The following FAM193A variants were observed in gnomAD, a reference collection of about 807,000 sequenced individuals.
The protein encoded by FAM193A is family with sequence similarity 193 member A.
A neutral mutation model predicts 126.5 loss-of-function variants in FAM193A; 22 were observed. The ratio of observed to expected loss-of-function variants is 0.17; its 90% CI spans 0.12 to 0.25. The LOEUF is 0.25. Ranked by LOEUF, FAM193A falls within the 10% of genes least tolerant of loss-of-function variation. The pLI is 1.00. For synonymous variants in FAM193A, 761 were observed against 646.8 expected (o/e 1.18, Z -2.68); for missense variants, 1,675 against 1,672.8 (o/e 1.00, Z -0.02).
At chr4:2,581,141 C>CAAA (rs569323669) in intron 1 of FAM193A, among the ~76,000 whole-genome samples, 2 of 145,420 alleles carry the variant, frequency 1.4e-5, no homozygotes, top group African/African-American at 2.5e-5. Flanking sequence ...AAAACAACAA[C>CAAA]AAAAAAAAAA....
intron 12 of FAM193A, among the ~76,000 whole-genome samples, chr4:2,671,697 C>CG (rs1713806787): frequency 6.6e-6 from 1 of 152,190 alleles, no homozygotes; most frequent in South Asian, 2.1e-4. Context: ...TTCACTCCAC[C>CG]GTAACCGGAA....
intron 15 of FAM193A, among the ~76,000 whole-genome samples, chr4:2,692,245 A>G (rs1716476772): frequency 6.6e-6 from 1 of 152,196 alleles, no homozygotes; most frequent in South Asian, 2.1e-4. Context: ...CGGGGGAGAG[A>G]ACGAGTACAC....
intron 19 of FAM193A, among the ~76,000 whole-genome samples, chr4:2,706,532 G>A (rs1006518017): frequency 6.6e-6 from 1 of 151,908 alleles, no homozygotes; most frequent in African/African-American, 2.4e-5. Flanking sequence ...CCAATCTCAG[G>A]TGATCTGCCC....
rs1560570899 is a variant in FAM193A at position 2,689,576 on chromosome 4, A to G, written c.2402A>G (p.His801Arg). The change falls in exon 14 of 21, where the codon CAT becomes CGT. Residue 801 changes from histidine to arginine, a missense_variant. Around this residue, in one of 4 missense-constraint regions of FAM193A, gnomAD observed 1,186 missense variants for 1,109.2 expected, o/e 1.07. Coordinates refer to ENST00000637812, the MANE Select transcript of FAM193A (RefSeq NM_001366318.2). ...HQVFNASLQD[H>R]IYPSCFGNTP... ...GTATTCAATGCATCTCTTCAAGACC[A>G]TATTTATCCGAGCTGTTTTGGGAAT... 3.9e-6 allele frequency: 6 copies of G among 1,551,638 alleles called. No individual in the cohort carries two copies. Among genetic ancestry groups the G allele is most frequent in the Non-Finnish European group, 5.2e-6 (6 of 1,157,686 alleles).
At chr4:2,568,280 C>T (rs912745145) in intron 1 of FAM193A, among the ~76,000 whole-genome samples, 4 of 151,974 alleles carry the variant, frequency 2.6e-5, no homozygotes, top group Middle Eastern at 3.2e-3. Context: ...AGGCCTAGTA[C>T]GTTGTTCATA....
At chr4:2,678,864 A>G (rs1273507929) in intron 13 of FAM193A, among the ~76,000 whole-genome samples, 1 of 152,140 alleles carries the variant, frequency 6.6e-6, no homozygotes, top group Non-Finnish European at 1.5e-5. Flanking sequence ...CATATCATCT[A>G]CAAACAGAGA....
At position 2,693,860 on chromosome 4, in the gene FAM193A, T is replaced by G; in HGVS notation, c.3078T>G (p.Pro1026=). ...PPATDGSISA[P]PSVCSDPDCE... is the part of the protein sequence containing the mutation. The stretch of plus-strand genomic sequence containing the variant: ...CCACAGATGGCTCCATTAGCGCCCC[T>G]CCAAGTGTCTGCAGGTGAGCCAAGT... Residue 1026 remains proline (P), a synonymous_variant, in exon 16 of 21, where the codon CCT becomes CCG. Transcript: ENST00000637812. 1 of 1,613,390 alleles carries G rather than the reference T, an allele frequency of 6.2e-7. No homozygotes were observed. The highest frequency in any genetic ancestry group is 8.5e-7 in the Non-Finnish European group (1 of 1,179,466).
intron 1 of FAM193A, among the ~76,000 whole-genome samples, chr4:2,540,256 T>C (rs1311235725): frequency 6.6e-6 from 1 of 151,330 alleles, no homozygotes; most frequent in East Asian, 2.0e-4. Context: ...GATCACGAGG[T>C]CAGGAGATCG....
Position 2,683,540 on chromosome 4 carries a change from GCCTTGGCCTC to G in FAM193A, c.2332-5963_2332-5954del, listed in dbSNP as rs1305242143. Among the ~76,000 whole-genome samples the G allele has an allele frequency of 2.6e-5, 4 of 152,328 alleles. No individual in the cohort carries two copies. The East Asian group carries it at 7.7e-4, about 29-fold the overall frequency. On this transcript the variant is annotated intron_variant, in intron 13 of 20. Transcript: ENST00000637812. ...AACCCCTGACCTCAGGTGATCGCCT[GCCTTGGCCTC>G]CCATAGTGCTGAGATTACAGGCATG... is the stretch of plus-strand genomic sequence containing the variant.
intron 10 of FAM193A, among the ~76,000 whole-genome samples, chr4:2,662,462 C>A (rs1179218576): frequency 6.6e-6 from 1 of 152,182 alleles, no homozygotes; most frequent in Non-Finnish European, 1.5e-5. Flanking sequence ...ATCGGTACCC[C>A]TTTAATTTTA....
chr4:2,700,613 A>T (rs1717611303), intron 19 of FAM193A, 69 bp downstream of exon 19: 1 of 1,540,348 alleles, frequency 6.5e-7, no homozygotes, highest in Non-Finnish European at 8.7e-7. Context: ...GTGCTAGTAT[A>T]GGAAAACACT....
At chr4:2,569,573 C>CT (rs1739173913) in intron 1 of FAM193A, among the ~76,000 whole-genome samples, 1 of 152,178 alleles carries the variant, frequency 6.6e-6, no homozygotes, top group African/African-American at 2.4e-5. Context: ...TCATGACTCA[C>CT]TGCAGCCTCA....
intron 2 of FAM193A, 135 bp from the exon 3 acceptor site, chr4:2,625,127 C>T: frequency 1.8e-6 from 1 of 570,380 alleles, no homozygotes; most frequent in Non-Finnish European, 3.1e-6. Context: ...GCCACTGTAT[C>T]TGGCCAAGAT....
Position 2,657,899 on chromosome 4 carries a change from G to C in FAM193A, c.1389+19G>C. On this transcript the variant is annotated intron_variant, in intron 8 of 20. Coordinates refer to ENST00000637812, the MANE Select transcript of FAM193A (RefSeq NM_001366318.2). ...AGAACAGGTAAGCTTGTCAATAAGA[G>C]AGGCAATTAAAGGAAGTAGAAATCT... 6.5e-7 allele frequency: 1 copy of C among 1,543,036 alleles called. No homozygotes were observed. Among genetic ancestry groups the C allele is most frequent in the Non-Finnish European group, 8.9e-7 (1 of 1,122,066 alleles).
intron 7 of FAM193A, among the ~76,000 whole-genome samples, chr4:2,655,569 C>T (rs1419396824): frequency 3.3e-5 from 5 of 152,130 alleles, no homozygotes; most frequent in Non-Finnish European, 7.4e-5. Flanking sequence ...CCTCGAACTC[C>T]TGGGCTCAAG....
At chr4:2,546,372 A>G (rs1180525152) in intron 1 of FAM193A, among the ~76,000 whole-genome samples, 2 of 152,146 alleles carry the variant, frequency 1.3e-5, no homozygotes, top group Non-Finnish European at 2.9e-5. Context: ...CAATCAGGAT[A>G]CAGAACAGTT....
intron 5 of FAM193A, among the ~76,000 whole-genome samples, chr4:2,632,441 G>T (rs145922045): frequency 1.3e-5 from 2 of 152,124 alleles, no homozygotes; most frequent in East Asian, 1.9e-4. Context: ...GCGTGATGAC[G>T]CATGCTACTC....
At chr4:2,655,889 A>G (rs1236145153) in intron 7 of FAM193A, among the ~76,000 whole-genome samples, 7 of 152,186 alleles carry the variant, frequency 4.6e-5, no homozygotes, top group Non-Finnish European at 8.8e-5. Context: ...TGATCATACC[A>G]CTGTAGTCCA....
At chr4:2,692,672 G>T (rs1716533945) in intron 15 of FAM193A, among the ~76,000 whole-genome samples, 1 of 152,228 alleles carries the variant, frequency 6.6e-6, no homozygotes, top group Non-Finnish European at 1.5e-5. Flanking sequence ...TATTAAAAAT[G>T]TTAAGTCTTG....
Sources: gnomAD v4.1 joint callset for allele counts (sites outside exome capture counted in the v4.1 genomes callset) on GRCh38, gnomAD v4.1.1 for gene constraint, gnomAD v4.1.1 regional missense constraint, MANE v1.5 for transcripts, NCBI Gene and HGNC (gene_info 2026-07-23, HGNC 2026-07-21) for gene names.